The following IL1RAP variants were observed in gnomAD, a reference collection of about 807,000 sequenced individuals.
The protein encoded by IL1RAP is interleukin 1 receptor accessory protein, also known as interleukin-1 receptor accessory protein.
IL1RAP carries 35 observed loss-of-function variants against 60.7 expected under a neutral mutation model. That is an observed-to-expected ratio of 0.58 (90% CI 0.44 to 0.76). The LOEUF is 0.76. Ranked by LOEUF, IL1RAP falls within the 30% of genes least tolerant of loss-of-function variation. The pLI is 0.00. For missense variants in IL1RAP, 572 were observed against 693.9 expected (o/e 0.82, Z 1.97); for synonymous variants, 268 against 250.9 (o/e 1.07, Z -0.64).
At chr3:190,613,965 G>A (rs1036024868) in intron 5 of IL1RAP, among the ~76,000 whole-genome samples, 2 of 151,848 alleles carry the variant, frequency 1.3e-5, no homozygotes, top group African/African-American at 4.8e-5. Context: ...TAAGACTTCT[G>A]CCATCTTGGA....
chr3:190,541,971 C>A (rs750252204), intron 1 of IL1RAP, among the ~76,000 whole-genome samples: 5 of 152,094 alleles, frequency 3.3e-5, no homozygotes, highest in African/African-American at 1.2e-4. Flanking sequence ...ATGTGGTGCA[C>A]CCATTTATAC....
chr3:190,639,512 G>T (rs1158920075), intron 9 of IL1RAP, among the ~76,000 whole-genome samples: 1 of 151,876 alleles, frequency 6.6e-6, no homozygotes, highest in Non-Finnish European at 1.5e-5. Context: ...CAATGTTCAT[G>T]GTTTTAAAAA....
chr3:190,539,643 A>G (rs1229465898), intron 1 of IL1RAP, among the ~76,000 whole-genome samples: 3 of 151,924 alleles, frequency 2.0e-5, no homozygotes, highest in Non-Finnish European at 2.9e-5. Context: ...AATGTTGTGT[A>G]TAATTAATAA....
At chr3:190,524,861 C>T (rs550731678) in intron 1 of IL1RAP, among the ~76,000 whole-genome samples, 18 of 152,004 alleles carry the variant, frequency 1.2e-4, no homozygotes, top group Non-Finnish European at 2.1e-4. Flanking sequence ...TACATATATG[C>T]GCATATACAC....
intron 11 of IL1RAP, among the ~76,000 whole-genome samples, chr3:190,648,134 G>A (rs1372194513): frequency 6.6e-6 from 1 of 152,170 alleles, no homozygotes; most frequent in East Asian, 1.9e-4. Context: ...TGTGTATATA[G>A]TTTCTGTTTT....
intron 3 of IL1RAP, among the ~76,000 whole-genome samples, chr3:190,572,635 T>TC (rs1361473077): frequency 6.6e-6 from 1 of 152,186 alleles, no homozygotes; most frequent in Non-Finnish European, 1.5e-5. Context: ...ATTTAAATAC[T>TC]CCCCCCTTTT....
intron 3 of IL1RAP, among the ~76,000 whole-genome samples, chr3:190,583,329 G>C (rs1023428876): frequency 6.6e-6 from 1 of 152,164 alleles, no homozygotes. Flanking sequence ...ATAATAAATA[G>C]GTAACACTTA....
At chr3:190,564,585 A>G (rs971205338) in intron 3 of IL1RAP, 5 of 506,232 alleles carry the variant, frequency 9.9e-6, no homozygotes, top group Non-Finnish European at 1.4e-5. Flanking sequence ...CGCTGTGTTT[A>G]AACACAGGTA....
intron 3 of IL1RAP, among the ~76,000 whole-genome samples, chr3:190,592,710 C>T (rs1243701052): frequency 6.6e-6 from 1 of 152,208 alleles, no homozygotes; most frequent in African/African-American, 2.4e-5. Context: ...TAATGCTAGA[C>T]TCTGAAAGAC....
At position 190,650,133 on chromosome 3, in the gene IL1RAP, TAAA is replaced by T. The variant is rs1734309797; in HGVS notation, c.*1431_*1433del. 1 of 982,530 alleles carries T rather than the reference TAAA, an allele frequency of 1.0e-6. No homozygotes were observed. The highest frequency in any genetic ancestry group is 1.2e-6 in the Non-Finnish European group (1 of 827,376). The allele number at this position is 982,530 out of a possible 1,614,324, so 60.9% of individuals were successfully genotyped here. On this transcript the variant is annotated 3_prime_UTR_variant, in exon 12 of 12. Coordinates refer to ENST00000447382, the MANE Select transcript of IL1RAP (RefSeq NM_002182.4). ...CTTTAAATAGCTATGGGTACAATAT[TAAA>T]AACCACTGGAACTCTTGTCCAGTTT...
Position 190,627,310 on chromosome 3 carries a change from T to G in IL1RAP, c.776-13T>G, listed in dbSNP as rs201536453. On this transcript the variant is annotated splice_polypyrimidine_tract_variant and intron_variant, in intron 7 of 11. Transcript: ENST00000447382. ...TTTTTTGTTTTTTTTGTTTTTTTGG[T>G]TTTTTTTTTCAGGAGAGGAGCTACT... 35 of 29,992 alleles carry G rather than the reference T, an allele frequency of 1.2e-3. No individual in the cohort carries two copies. In the East Asian group the frequency reaches 0.38, roughly 321 times the overall value. The allele number at this position is 29,992 out of a possible 1,614,324, so 1.9% of individuals were successfully genotyped here.
chr3:190,544,516 T>C (rs553055829), intron 1 of IL1RAP, among the ~76,000 whole-genome samples: 7 of 152,296 alleles, frequency 4.6e-5, no homozygotes, highest in Non-Finnish European at 8.8e-5. Flanking sequence ...TTCATGAGCC[T>C]TACTCTAAAA....
intron 9 of IL1RAP, among the ~76,000 whole-genome samples, chr3:190,634,707 G>GTTTTTTTTTTGTT (rs1733056790): frequency 7.4e-6 from 1 of 134,714 alleles, no homozygotes; most frequent in African/African-American, 3.0e-5. Flanking sequence ...GGCCTGTTGT[G>GTTTTTTTTTTGTT]TTTTTTTTTT....
chr3:190,656,375 G>A (rs370632159), downstream of IL1RAP: 79 of 1,537,112 alleles, frequency 5.1e-5, no homozygotes, highest in East Asian at 9.8e-5. Flanking sequence ...GCCACCTGCC[G>A]CTGTTGTGTC....
rs1577834555 is a variant in IL1RAP at position 190,651,029 on chromosome 3, A to G, written c.*2324A>G. 4.1e-6 allele frequency: 4 copies of G among 984,484 alleles called. No individual in the cohort carries two copies. The highest frequency in any genetic ancestry group is 4.8e-6 in the Non-Finnish European group (4 of 829,126). The allele number at this position is 984,484 out of a possible 1,614,324, so 61.0% of individuals were successfully genotyped here. A position where few individuals can be genotyped will look rare whatever the true frequency, so the allele number is the denominator to read the frequency against. ...AAATGCTGTAATATAAAGCATATCAAGTTTATGTGATACGTATCATTGCAA... is the reference window on the plus strand; with the variant it reads ...AAATGCTGTAATATAAAGCATATCAGGTTTATGTGATACGTATCATTGCAA... On this transcript the variant is annotated 3_prime_UTR_variant, in exon 12 of 12. Coordinates refer to ENST00000447382, the MANE Select transcript of IL1RAP (RefSeq NM_002182.4).
intron 5 of IL1RAP, among the ~76,000 whole-genome samples, chr3:190,617,990 T>C (rs557835147): frequency 5.3e-4 from 81 of 152,266 alleles, no homozygotes; most frequent in Non-Finnish European, 1.2e-4. Context: ...TGTTGACAAG[T>C]TCAGTAAAAA....
At chr3:190,565,113 T>C (rs1726265003) in intron 3 of IL1RAP, among the ~76,000 whole-genome samples, 1 of 151,796 alleles carries the variant, frequency 6.6e-6, no homozygotes, top group Non-Finnish European at 1.5e-5. Context: ...TTTTAGTATC[T>C]AAAACTGAAA....
At chr3:190,583,314 A>G (rs1388752746) in intron 3 of IL1RAP, among the ~76,000 whole-genome samples, 3 of 152,240 alleles carry the variant, frequency 2.0e-5, no homozygotes, top group African/African-American at 7.2e-5. Flanking sequence ...AATGAATGAA[A>G]GGATATAATA....
chr3:190,656,672 G>A lies in IL1RAP; in HGVS notation c.*65G>A, dbSNP rs866280758. ...CCCTCTGTATGTCATGAACCTGTGG[G>A]AAAATCTGACATTTTTATCATCTAA... On this transcript the variant is annotated 3_prime_UTR_variant, in exon 12 of 12. Coordinates refer to the IL1RAP transcript ENST00000317757. The A allele has an allele frequency of 9.6e-6, 9 of 936,260 alleles. No individual in the cohort carries two copies. In the South Asian group the frequency reaches 1.6e-4, roughly 16 times the overall value. The allele number at this position is 936,260 out of a possible 1,614,324, so 58.0% of individuals were successfully genotyped here.
Sources: gnomAD v4.1 joint callset for allele counts (sites outside exome capture counted in the v4.1 genomes callset) on GRCh38, gnomAD v4.1.1 for gene constraint, MANE v1.5 for transcripts, NCBI Gene and HGNC (gene_info 2026-07-23, HGNC 2026-07-21) for gene names.